The following FOXP1 variants were observed in gnomAD, a reference collection of about 807,000 sequenced individuals.
The protein encoded by FOXP1 is forkhead box P1, also known as forkhead box protein P1.
A neutral mutation model predicts 98.2 loss-of-function variants in FOXP1; 15 were observed. That is an observed-to-expected ratio of 0.15 (90% CI 0.10 to 0.24). The LOEUF (loss-of-function observed/expected upper bound fraction) is 0.24, where lower values mean the gene tolerates loss of function less well. Ranked by LOEUF, FOXP1 falls within the 10% of genes least tolerant of loss-of-function variation. The probability of loss-of-function intolerance (pLI) is 1.00; values close to 1 mark genes in which losing one functional copy is unlikely to be tolerated. For synonymous variants in FOXP1, 371 were observed against 314.5 expected, an observed-to-expected ratio of 1.18 and a Z score of -1.90; for missense variants, 633 against 848.5, an observed-to-expected ratio of 0.75 and a Z score of 3.15.
chr3:71,226,661 C>G (rs948235651), intron 5 of FOXP1, among the ~76,000 whole-genome samples: 5 of 152,032 alleles, frequency 3.3e-5, no homozygotes, highest in African/African-American at 1.2e-4. Context: ...GTCACACAGT[C>G]TCTTTCCCTT....
At chr3:71,450,222 C>G (rs927717525) in intron 3 of FOXP1, among the ~76,000 whole-genome samples, 3 of 152,192 alleles carry the variant, frequency 2.0e-5, no homozygotes, top group African/African-American at 7.2e-5. Context: ...GTTAGAAATG[C>G]TAAACAAATA....
intron 5 of FOXP1, among the ~76,000 whole-genome samples, chr3:71,271,697 T>C (rs928467687): frequency 1.3e-5 from 2 of 152,218 alleles, no homozygotes; most frequent in Admixed American, 6.5e-5. Flanking sequence ...ATAACATTTG[T>C]ACTCACTGAA....
At chr3:71,397,876 C>A (rs922692564) in intron 3 of FOXP1, among the ~76,000 whole-genome samples, 3 of 152,136 alleles carry the variant, frequency 2.0e-5, no homozygotes, top group Non-Finnish European at 4.4e-5. Context: ...TACAGTTTAA[C>A]TGTTCTCCGT....
chr3:71,097,501 A>C (rs932492808), intron 7 of FOXP1, among the ~76,000 whole-genome samples: 5 of 152,196 alleles, frequency 3.3e-5, no homozygotes, highest in Admixed American at 1.3e-4. Context: ...TAGTAAACCA[A>C]ATTCCTTTTG....
chr3:71,277,525 C>T (rs2071040476), intron 5 of FOXP1, among the ~76,000 whole-genome samples: 1 of 152,120 alleles, frequency 6.6e-6, no homozygotes, highest in Non-Finnish European at 1.5e-5. Context: ...GTCCAAATGA[C>T]AGCATGCTCT....
chr3:71,203,029 T>C (rs1342261821), intron 5 of FOXP1, among the ~76,000 whole-genome samples: 4 of 152,142 alleles, frequency 2.6e-5, no homozygotes, highest in Non-Finnish European at 5.9e-5. Flanking sequence ...CCTTGCTCCA[T>C]GACATACTGA....
chr3:71,103,500 G>A (rs549219107), intron 7 of FOXP1, among the ~76,000 whole-genome samples: 78 of 152,262 alleles, frequency 5.1e-4, no homozygotes, highest in African/African-American at 1.7e-3. Flanking sequence ...TTTCCTGACC[G>A]GGCAGGGTGC....
chr3:71,353,609 T>G (rs1408762082), intron 4 of FOXP1, among the ~76,000 whole-genome samples: 1 of 152,210 alleles, frequency 6.6e-6, no homozygotes, highest in Non-Finnish European at 1.5e-5. Flanking sequence ...ATTGTTAAGT[T>G]GCAAGAGTAC....
chr3:70,966,317 G>C (rs1575700622), intron 19 of FOXP1: 1 of 501,844 alleles, frequency 2.0e-6, no homozygotes, highest in Non-Finnish European at 3.6e-6. Context: ...GTCCTGCTTG[G>C]TAGTCACATG....
intron 3 of FOXP1, among the ~76,000 whole-genome samples, chr3:71,483,894 C>A (rs1280738172): frequency 6.6e-6 from 1 of 151,652 alleles, no homozygotes; most frequent in Non-Finnish European, 1.5e-5. Context: ...ACAGAAGGAA[C>A]CTACCTCCAT....
At chr3:70,988,404 G>A (rs917655949) in intron 13 of FOXP1, among the ~76,000 whole-genome samples, 2 of 152,188 alleles carry the variant, frequency 1.3e-5, no homozygotes, top group African/African-American at 4.8e-5. Flanking sequence ...AAAAGCCAAG[G>A]GAAAGTGAGC....
In FOXP1 at chr3:70,987,891, C is replaced by T. The variant is rs878915611; in HGVS notation, c.1146+103G>A. 8.4e-5 allele frequency: 87 copies of T among 1,033,918 alleles called. No individual in the cohort carries two copies. The South Asian group carries it at 1.1e-3, about 13-fold the overall frequency. The allele number at this position is 1,033,918 out of a possible 1,614,324, so 64.0% of individuals were successfully genotyped here. A position where few individuals can be genotyped will look rare whatever the true frequency, so the allele number is the denominator to read the frequency against. ...TCTAAGGCCCTCAAAACTCAAAGCT[C>T]CACCAAAGTAGGCTGGTCCTCCTTC... On this transcript the variant is annotated intron_variant, in intron 14 of 20. Coordinates refer to ENST00000649528, the MANE Select transcript of FOXP1 (RefSeq NM_001349338.3).
chr3:71,331,178 G>A (rs2076272459), intron 4 of FOXP1, among the ~76,000 whole-genome samples: 1 of 152,222 alleles, frequency 6.6e-6, no homozygotes, highest in African/African-American at 2.4e-5. Flanking sequence ...GTGCTTGTGG[G>A]CCAGCGCGAG....
At chr3:71,503,577 G>C (rs570268168) in intron 2 of FOXP1, among the ~76,000 whole-genome samples, 1 of 136,592 alleles carries the variant, frequency 7.3e-6, no homozygotes, top group East Asian at 2.0e-4. Flanking sequence ...CTCCAGCCTG[G>C]GCAACAGAAC....
intron 4 of FOXP1, among the ~76,000 whole-genome samples, chr3:71,356,956 G>T (rs937865465): frequency 1.3e-5 from 2 of 152,164 alleles, no homozygotes; most frequent in African/African-American, 4.8e-5. Flanking sequence ...GCCAATTTGG[G>T]ACAGAAAATT....
At chr3:71,414,047 T>C (rs1349661933) in intron 3 of FOXP1, among the ~76,000 whole-genome samples, 1 of 151,950 alleles carries the variant, frequency 6.6e-6, no homozygotes, top group African/African-American at 2.4e-5. Flanking sequence ...CGGAGGCTCA[T>C]GCTAAAGCCA....
intron 5 of FOXP1, among the ~76,000 whole-genome samples, chr3:71,248,655 C>T (rs1366831834): frequency 5.9e-5 from 9 of 151,514 alleles, no homozygotes; most frequent in African/African-American, 1.7e-4. Context: ...GCAGGAGAAT[C>T]GCTTGAACCT....
chr3:70,957,847 T>C lies in FOXP1; in HGVS notation c.*1400A>G, dbSNP rs2032189171. 1 of 234,006 alleles carries C rather than the reference T, an allele frequency of 4.3e-6. No homozygotes were observed. Among genetic ancestry groups the C allele is most frequent in the Non-Finnish European group, 8.5e-6 (1 of 118,328 alleles). The allele number at this position is 234,006 out of a possible 1,614,324, so 14.5% of individuals were successfully genotyped here. A position where few individuals can be genotyped will look rare whatever the true frequency, so the allele number is the denominator to read the frequency against. On this transcript the variant is annotated 3_prime_UTR_variant, in exon 21 of 21. Coordinates refer to ENST00000649528, the MANE Select transcript of FOXP1 (RefSeq NM_001349338.3). The stretch of plus-strand genomic sequence containing the variant: ...CTTTAGCATTTGCTGAACTCAGCCC[T>C]CGTTAACTCCCTTAACAAGTTCAAT...
intron 5 of FOXP1, among the ~76,000 whole-genome samples, chr3:71,295,201 G>A (rs748510943): frequency 6.6e-6 from 1 of 152,146 alleles, no homozygotes; most frequent in Non-Finnish European, 1.5e-5. Flanking sequence ...ACTGCTTCCA[G>A]TGTCTTCATA....
Sources: allele counts gnomAD v4.1 joint callset (sites outside exome capture counted in the v4.1 genomes callset), GRCh38; gene constraint gnomAD v4.1.1; transcripts MANE v1.5; gene names NCBI Gene and HGNC (gene_info 2026-07-23, HGNC 2026-07-21).